Variants in FCGR3B observed in about 807,000 individuals in gnomAD.
FCGR3B encodes the protein Fc gamma receptor IIIb.
FCGR3B carries 20 observed loss-of-function variants against 26.7 expected under a neutral mutation model. That is an observed-to-expected ratio of 0.75 (90% confidence interval 0.53 to 1.09). FCGR3B has a LOEUF of 1.09. Among genes scored for constraint, FCGR3B ranks in the 50% least tolerant of loss-of-function variants. The pLI is 0.00. For synonymous variants in FCGR3B, 79 were observed against 107.0 expected (o/e 0.74, Z 1.62); for missense variants, 191 against 279.7 (o/e 0.68, Z 2.26).
intron 4 of FCGR3B, among the ~76,000 whole-genome samples, chr1:161,625,653 A>G (rs1679416684): frequency 7.2e-6 from 1 of 139,782 alleles, no homozygotes; most frequent in Non-Finnish European, 1.5e-5. Flanking sequence ...TTTGTTACGG[A>G]AGAAGAAATT....
chr1:161,627,744 G>A lies in FCGR3B; in HGVS notation c.320-1342C>T, dbSNP rs139739587. 2.0e-5 allele frequency among the ~76,000 whole-genome samples: 3 copies of A among 150,242 alleles called. No individual in the cohort carries two copies. In the East Asian group the frequency reaches 5.8e-4, roughly 29 times the overall value. On this transcript the variant is annotated intron_variant, in intron 3 of 4. Coordinates refer to ENST00000650385, the MANE Select transcript of FCGR3B (RefSeq NM_001244753.2). ...TCATGGACTCAGTGAATGCCCATGT[G>A]TATATTCCTTCAAGTGATATTTCAT...
At position 161,630,843 on chromosome 1, in the gene FCGR3B, C is replaced by A. The variant is rs902692498; in HGVS notation, c.40+212G>T. ...TCTGGGACCCAGAGGGGTGAAGTGA[C>A]TGGCCTCACTCATGACTATGACCCA... On this transcript the variant is annotated intron_variant, in intron 1 of 4. Coordinates refer to ENST00000650385, the MANE Select transcript of FCGR3B (RefSeq NM_001244753.2). The A allele has an allele frequency of 3.5e-5, 41 of 1,163,496 alleles. 1 individual carries two copies. The Admixed American group carries it at 5.3e-4, about 15-fold the overall frequency. 72.1% of individuals were successfully genotyped at this position (1,163,496 alleles called of 1,614,324 possible). A position where few individuals can be genotyped will look rare whatever the true frequency, so the allele number is the denominator to read the frequency against.
At chr1:161,631,268 T>G (rs189362069), upstream of FCGR3B, 952 of 1,465,950 alleles carry the variant, frequency 6.5e-4, 32 homozygotes, top group Middle Eastern at 2.0e-3. Flanking sequence ...AGTCTCGCAA[T>G]GGAGCCCCAC....
At position 161,624,590 on chromosome 1, in the gene FCGR3B, G is replaced by T. The variant is rs764580654; in HGVS notation, c.627C>A (p.Val209=). 1.9e-6 allele frequency: 3 copies of T among 1,606,414 alleles called. No homozygotes were observed. The highest frequency in any genetic ancestry group is 1.4e-5 in the African/African-American group (1 of 73,106). ...ISSFSPPGYQ[V]SFCLVMVLLF... is the part of the protein sequence containing the mutation. ...GGAGTACCATCACCAAGCAGAAAGA[G>T]ACTTGGTACCCAGGTGGAGAGAATG... The change falls in exon 5 of 5, where the codon GTC becomes GTA. Residue 209 remains valine (V), a synonymous_variant. Coordinates refer to ENST00000650385, the MANE Select transcript of FCGR3B (RefSeq NM_001244753.2).
At position 161,631,130 on chromosome 1, in the gene FCGR3B, T is replaced by A; in HGVS notation, c.-36A>T. The A allele has an allele frequency of 6.2e-7, 1 of 1,607,490 alleles. No individual in the cohort carries two copies. The highest frequency in any genetic ancestry group is 8.5e-7 in the Non-Finnish European group (1 of 1,177,354). On this transcript the variant is annotated 5_prime_UTR_variant, in exon 1 of 5. Transcript: ENST00000650385. ...TGGAGTGGACAAGTCACCAAAGATA[T>A]CCGGAGCCCTAAAGGGACCAAGCCG... is the stretch of plus-strand genomic sequence containing the variant.
rs1188980997 is a variant in FCGR3B at position 161,623,852 on chromosome 1, C to G, written c.*663G>C. 4 of 148,780 alleles carry G rather than the reference C, an allele frequency of 2.7e-5. No individual in the cohort carries two copies. Among genetic ancestry groups the G allele is most frequent in the African/African-American group, 1.0e-4 (4 of 39,556 alleles). The allele number at this position is 148,780 out of a possible 1,614,324, so 9.2% of individuals were successfully genotyped here. ...CTGGAAGACTCAATTCTACGTCACCCTCATGATTTCCTGTTAATTCCACTA... is the reference window on the plus strand; with the variant it reads ...CTGGAAGACTCAATTCTACGTCACCGTCATGATTTCCTGTTAATTCCACTA... On this transcript the variant is annotated 3_prime_UTR_variant, in exon 5 of 5. Coordinates refer to ENST00000650385, the MANE Select transcript of FCGR3B (RefSeq NM_001244753.2).
chr1:161,630,715 G>C, intron 1 of FCGR3B: 1 of 543,574 alleles, frequency 1.8e-6, no homozygotes, highest in Non-Finnish European at 3.2e-6. Context: ...CCACAAGAAA[G>C]GGTAGAAATT....
chr1:161,630,419 A>G, intron 1 of FCGR3B, 31 bp from the exon 2 acceptor site: 1 of 1,598,792 alleles, frequency 6.3e-7, no homozygotes, highest in Non-Finnish European at 8.5e-7. Context: ...TCAAATATTG[A>G]GTAGGGGCAG....
intron 4 of FCGR3B, 78 bp from the exon 5 acceptor site, chr1:161,624,717 G>C: frequency 7.1e-7 from 1 of 1,416,396 alleles, no homozygotes; most frequent in Non-Finnish European, 9.7e-7. Context: ...GAGGTCACCA[G>C]TAGAGAGTCT....
intron 2 of FCGR3B, 87 bp downstream of exon 2, chr1:161,630,281 C>T (rs1230342139): frequency 1.4e-6 from 2 of 1,384,236 alleles, no homozygotes; most frequent in African/African-American, 3.1e-5. Flanking sequence ...AGCATTTTCC[C>T]ATTCAACAAG....
Position 161,624,568 on chromosome 1 carries a change from G to A in FCGR3B, c.649C>T (p.Leu217Phe), listed in dbSNP as rs540459343. 4 of 1,606,652 alleles carry A rather than the reference G, an allele frequency of 2.5e-6. No homozygotes were observed. Among genetic ancestry groups the A allele is most frequent in the African/African-American group, 2.7e-5 (2 of 73,146 alleles). ...AGTCCTGTGTCCACTGCAAAAAGGA[G>A]TACCATCACCAAGCAGAAAGAGACT... ...YQVSFCLVMV[L>F]LFAVDTGLYF... Residue 217 changes from leucine to phenylalanine, a missense_variant, in exon 5 of 5, where the codon CTC (leucine) becomes TTC (phenylalanine). Transcript: ENST00000650385.
Position 161,628,292 on chromosome 1 carries a change from A to G in FCGR3B, c.319+1486T>C, listed in dbSNP as rs530152890. On this transcript the variant is annotated intron_variant, in intron 3 of 4. Coordinates refer to ENST00000650385, the MANE Select transcript of FCGR3B (RefSeq NM_001244753.2). ...TGTCTCAAAAACAAAAACAAAAACAAACAAACAAACAAAGAAGTAAAAAGT... is the reference window on the plus strand; with the variant it reads ...TGTCTCAAAAACAAAAACAAAAACAGACAAACAAACAAAGAAGTAAAAAGT... Among the ~76,000 whole-genome samples, 2 of 149,880 alleles carry G rather than the reference A, an allele frequency of 1.3e-5. 1 individual carries two copies. The highest frequency in any genetic ancestry group is 5.0e-5 in the African/African-American group (2 of 40,274).
In FCGR3B at chr1:161,631,166, A is replaced by T. The variant is rs147436040; in HGVS notation, c.-72T>A. ...AAAGGGACCAAGCCGACTAGACAGGAGGGAGTAAACAGCCTTTCCCCAGTC... is the reference window on the plus strand; with the variant it reads ...AAAGGGACCAAGCCGACTAGACAGGTGGGAGTAAACAGCCTTTCCCCAGTC... On this transcript the variant is annotated 5_prime_UTR_variant, in exon 1 of 5. Coordinates refer to ENST00000650385, the MANE Select transcript of FCGR3B (RefSeq NM_001244753.2). 6.2e-7 allele frequency: 1 copy of T among 1,607,058 alleles called. No individual in the cohort carries two copies. The highest frequency in any genetic ancestry group is 8.5e-7 in the Non-Finnish European group (1 of 1,177,092).
chr1:161,627,138 G>T lies in FCGR3B; in HGVS notation c.320-736C>A, dbSNP rs557262730. 6.3e-4 allele frequency among the ~76,000 whole-genome samples: 94 copies of T among 150,208 alleles called. 10 individuals carry two copies. The highest frequency in any genetic ancestry group is 2.1e-3 in the African/African-American group (84 of 40,420). ...CACAAAGAGAGAACATGAGGTCATG[G>T]TCGGGAAATGGCCTGAATAATTAAA... is the stretch of plus-strand genomic sequence containing the variant. On this transcript the variant is annotated intron_variant, in intron 3 of 4. Transcript: ENST00000650385.
intron 3 of FCGR3B, among the ~76,000 whole-genome samples, chr1:161,627,076 C>T (rs1679504936): frequency 6.7e-6 from 1 of 149,890 alleles, no homozygotes; most frequent in Non-Finnish European, 1.5e-5. Context: ...ATCGCCAGAG[C>T]TTATTCTCAC....
At position 161,624,736 on chromosome 1, in the gene FCGR3B, TGC is replaced by T. The variant is rs1679379026; in HGVS notation, c.578-99_578-98del. 7.7e-6 allele frequency: 9 copies of T among 1,165,968 alleles called. No individual in the cohort carries two copies. In the South Asian group the frequency reaches 1.3e-4, roughly 17 times the overall value. 72.2% of individuals were successfully genotyped at this position (1,165,968 alleles called of 1,614,324 possible). A position where few individuals can be genotyped will look rare whatever the true frequency, so the allele number is the denominator to read the frequency against. ...TCACCAGTAGAGAGTCTTTGACAAG[TGC>T]CAACAGGCAAGTGGTAGGAATGGTG... On this transcript the variant is annotated intron_variant, in intron 4 of 4. Transcript: ENST00000650385.
chr1:161,630,416 T>G (rs753622061), intron 1 of FCGR3B, 28 bp from the exon 2 acceptor site: 1 of 1,600,634 alleles, frequency 6.2e-7, no homozygotes, highest in Non-Finnish European at 8.5e-7. Context: ...AAATCAAATA[T>G]TGAGTAGGGG....
At chr1:161,630,916 T>C (rs1382260654) in intron 1 of FCGR3B, 139 bp downstream of exon 1, 2 of 1,454,014 alleles carry the variant, frequency 1.4e-6, no homozygotes, top group African/African-American at 2.9e-5. Context: ...TGGCTTGTCC[T>C]GGTAGCTCAA....
upstream of FCGR3B, chr1:161,631,467 C>T (rs1192309134): frequency 1.4e-5 from 7 of 508,812 alleles, no homozygotes; most frequent in Middle Eastern, 5.1e-4. Context: ...AAGAATGGGA[C>T]AGCAAGACCC....
Sources: gnomAD v4.1 joint callset for allele counts (sites outside exome capture counted in the v4.1 genomes callset) on GRCh38, gnomAD v4.1.1 for gene constraint, MANE v1.5 for transcripts, NCBI Gene and HGNC (gene_info 2026-07-23, HGNC 2026-07-21) for gene names.